CELSR1: variants seen among roughly 807,000 people sequenced by gnomAD.
CELSR1 encodes the protein adhesion G protein-coupled receptor C1.
A neutral mutation model predicts 249.1 loss-of-function variants in CELSR1; 110 were observed. That is an observed-to-expected ratio of 0.44 (90% CI 0.38 to 0.52). CELSR1 has a LOEUF of 0.52. CELSR1 is among the 20% of genes least tolerant of loss of function. The probability of loss-of-function intolerance (pLI) is 0.00; values close to 1 mark genes in which losing one functional copy is unlikely to be tolerated. For missense variants in CELSR1, 4,109 were observed against 4,296.4 expected (o/e 0.96, Z 1.22); for synonymous variants, 2,113 against 1,900.0 (o/e 1.11, Z -2.92).
intron 29 of CELSR1, among the ~76,000 whole-genome samples, 198 bp downstream of exon 29, chr22:46,366,795 G>A (rs993575725): frequency 3.3e-5 from 5 of 152,174 alleles, no homozygotes; most frequent in Admixed American, 6.5e-5. Context: ...GTTAGGATGC[G>A]ACCCAGGCCC....
chr22:46,482,261 A>G (rs558343696), intron 1 of CELSR1, among the ~76,000 whole-genome samples: 2 of 152,318 alleles, frequency 1.3e-5, no homozygotes, highest in East Asian at 1.9e-4. Flanking sequence ...GGGTGGCCAC[A>G]GGATCCTTAA....
At chr22:46,503,781 G>A (rs1222580354) in intron 1 of CELSR1, among the ~76,000 whole-genome samples, 1 of 152,208 alleles carries the variant, frequency 6.6e-6, no homozygotes, top group Admixed American at 6.5e-5. Flanking sequence ...GGTAATCCCA[G>A]CACTTTGGGA....
Position 46,362,776 on chromosome 22 carries a change from C to G in CELSR1, c.*447G>C. The G allele has an allele frequency of 4.5e-6, 1 of 221,088 alleles. No homozygotes were observed. Among genetic ancestry groups the G allele is most frequent in the South Asian group, 1.4e-4 (1 of 7,256 alleles). The allele number at this position is 221,088 out of a possible 1,614,324, so 13.7% of individuals were successfully genotyped here. Reference sequence around the variant, plus strand: ...AGGGGTGCCTTTGCAAAGGACTGCCCGGGCTGCCAGCCACGGGTCCGCACT... The same window carrying G: ...AGGGGTGCCTTTGCAAAGGACTGCCGGGGCTGCCAGCCACGGGTCCGCACT... On this transcript the variant is annotated 3_prime_UTR_variant, in exon 35 of 35. Coordinates refer to ENST00000674500, the MANE Select transcript of CELSR1 (RefSeq NM_001378328.1).
In CELSR1 at chr22:46,407,975, T is replaced by C. The variant is rs1270494516; in HGVS notation, c.5226+1021A>G. Among the ~76,000 whole-genome samples the C allele has an allele frequency of 2.0e-5, 3 of 152,182 alleles. No homozygotes were observed. Among genetic ancestry groups the C allele is most frequent in the African/African-American group, 7.2e-5 (3 of 41,448 alleles). The stretch of plus-strand genomic sequence containing the variant: ...GCAAGCCGAGGGCCGGGCACCCTCC[T>C]GGGGAGGGTCCCCATGGCTGCCTCA... On this transcript the variant is annotated intron_variant, in intron 9 of 34. Transcript: ENST00000674500. This position sits in a 1 kb window ranked among gnomAD's most constrained non-coding sequence, Gnocchi z 4.8.
chr22:46,477,752 C>T (rs1014773475), intron 1 of CELSR1, among the ~76,000 whole-genome samples: 4 of 152,078 alleles, frequency 2.6e-5, no homozygotes, highest in African/African-American at 7.2e-5. Context: ...ATGATCCACC[C>T]GCCTCAGCCT....
chr22:46,446,103 G>T lies in CELSR1; in HGVS notation c.4184-6692C>A, dbSNP rs943788600. ...AAAGACCCCAGCCTAAGGGGTCCCA[G>T]GGCCCAGCCCCCAGCCACACACCCA... On this transcript the variant is annotated intron_variant, in intron 2 of 34. Transcript: ENST00000674500. The surrounding 1 kb of genome is among the most constrained non-coding windows in gnomAD (Gnocchi z 5.5). Among the ~76,000 whole-genome samples, 2 of 152,094 alleles carry T rather than the reference G, an allele frequency of 1.3e-5. No individual in the cohort carries two copies. The highest frequency in any genetic ancestry group is 4.8e-5 in the African/African-American group (2 of 41,412).
intron 22 of CELSR1, 52 bp from the exon 23 acceptor site, chr22:46,378,769 G>T (rs902691006): frequency 1.3e-6 from 2 of 1,581,840 alleles, no homozygotes; most frequent in Admixed American, 1.7e-5. Context: ...CTCTGCCCAT[G>T]AGTCTGTAAA....
rs1232989057 is a variant in CELSR1, at chr22:46,391,128, G to A, written c.6250+58C>T. 1.4e-5 allele frequency: 19 copies of A among 1,394,316 alleles called. No homozygotes were observed. The East Asian group carries it at 4.4e-4, about 32-fold the overall frequency. 86.4% of individuals were successfully genotyped at this position (1,394,316 alleles called of 1,614,324 possible). On this transcript the variant is annotated intron_variant, in intron 16 of 34. Coordinates refer to ENST00000674500, the MANE Select transcript of CELSR1 (RefSeq NM_001378328.1). This position sits in a 1 kb window ranked among gnomAD's most constrained non-coding sequence, Gnocchi z 4.3. ...TTCCATGAGTCCCCACATCTCGACT[G>A]GCTCCTCCCACAAGGACGCCTGCCT...
At chr22:46,485,986 G>A (rs1031850103) in intron 1 of CELSR1, among the ~76,000 whole-genome samples, 2 of 143,828 alleles carry the variant, frequency 1.4e-5, no homozygotes, top group Non-Finnish European at 3.0e-5. Context: ...CGCCCAGGCC[G>A]GAGTGCAGTG....
chr22:46,415,508 G>A (rs1265310134), intron 5 of CELSR1, among the ~76,000 whole-genome samples: 1 of 152,030 alleles, frequency 6.6e-6, no homozygotes, highest in Admixed American at 6.6e-5. Context: ...TTAACTGATG[G>A]CATGAAAACA....
intron 14 of CELSR1, among the ~76,000 whole-genome samples, chr22:46,392,131 T>C (rs1042752820): frequency 6.6e-6 from 1 of 152,266 alleles, no homozygotes; most frequent in Admixed American, 6.5e-5. Flanking sequence ...GGCTTACGTA[T>C]GGGGATAGCC....
rs1453043796 is a variant in CELSR1 at position 46,424,558 on chromosome 22, C to T, written c.4611+8835G>A. Reference sequence around the variant, plus strand: ...AAACACTGACACAGTCCAGACAGAACGTTCCATCACTACAAGGACCCTGCC... The same window carrying T: ...AAACACTGACACAGTCCAGACAGAATGTTCCATCACTACAAGGACCCTGCC... On this transcript the variant is annotated intron_variant, in intron 5 of 34. Transcript: ENST00000674500. 5.9e-5 allele frequency among the ~76,000 whole-genome samples: 9 copies of T among 152,138 alleles called. 1 individual carries two copies. Among genetic ancestry groups the T allele is most frequent in the Admixed American group, 2.6e-4 (4 of 15,276 alleles).
chr22:46,512,131 C>G lies in CELSR1; in HGVS notation c.3544+21496G>C, dbSNP rs772506501. Among the ~76,000 whole-genome samples the G allele has an allele frequency of 3.9e-5, 6 of 152,200 alleles. No homozygotes were observed. Among genetic ancestry groups the G allele is most frequent in the Admixed American group, 2.0e-4 (3 of 15,278 alleles). Reference sequence around the variant, plus strand: ...TGCCAGGAGCTCTCAGTGTGGCAAACACAGCAGCAGCAAGAGTGACGGCGG... The same window carrying G: ...TGCCAGGAGCTCTCAGTGTGGCAAAGACAGCAGCAGCAAGAGTGACGGCGG... On this transcript the variant is annotated intron_variant, in intron 1 of 34. Coordinates refer to ENST00000674500, the MANE Select transcript of CELSR1 (RefSeq NM_001378328.1). This position sits in a 1 kb window ranked among gnomAD's most constrained non-coding sequence, Gnocchi z 5.2.
chr22:46,364,555 G>T lies in CELSR1; in HGVS notation c.8736C>A (p.Gly2912=), dbSNP rs141928741. The T allele has an allele frequency of 6.0e-5, 97 of 1,611,936 alleles. No individual in the cohort carries two copies. In the South Asian group the frequency reaches 9.2e-4, roughly 15 times the overall value. ...GCTGGCTGCTAGCAAGCCTGGCTGC[G>T]CCCCCGCTCTCCTGGTCCGGGGGGT... The part of the protein sequence containing the change: ...GEYPPDQESG[G]AARLASSQPP... Residue 2912 remains glycine (G), a synonymous_variant, in exon 33 of 35, where the codon GGC becomes GGA. Transcript: ENST00000674500.
rs550349488 is a variant in CELSR1 at position 46,440,435 on chromosome 22, G to A, written c.4184-1024C>T. Among the ~76,000 whole-genome samples the A allele has an allele frequency of 2.4e-3, 369 of 152,330 alleles. 3 individuals carry two copies. Among genetic ancestry groups the A allele is most frequent in the African/African-American group, 8.5e-3 (352 of 41,572 alleles). On this transcript the variant is annotated intron_variant, in intron 2 of 34. Transcript: ENST00000674500. This position sits in a 1 kb window ranked among gnomAD's most constrained non-coding sequence, Gnocchi z 4.7. ...AGGATGGTCTCCATCTCCTAACCTC[G>A]TGATCCGCCTGCCTTGGCCTCCCAA...
Position 46,394,125 on chromosome 22 carries a change from TG to T in CELSR1, c.5964+16del. 6.2e-7 allele frequency: 1 copy of T among 1,611,534 alleles called. No homozygotes were observed. The highest frequency in any genetic ancestry group is 1.1e-5 in the South Asian group (1 of 90,818). On this transcript the variant is annotated intron_variant, in intron 14 of 34. Coordinates refer to ENST00000674500, the MANE Select transcript of CELSR1 (RefSeq NM_001378328.1). ...GAGCAAACACAGCATGCAGGGATCA[TG>T]GGGGCGGGGCCTCACCTTGCATTGG...
In CELSR1 at chr22:46,412,742, C is replaced by T. The variant is rs372835264; in HGVS notation, c.4612-983G>A. ...GAGGAAAAGCAGCACCCGCCCTACA[C>T]AATCCATGCTGGCCACGGAACTTAA... On this transcript the variant is annotated intron_variant, in intron 5 of 34. Transcript: ENST00000674500. This position sits in a 1 kb window ranked among gnomAD's most constrained non-coding sequence, Gnocchi z 4.5. Among the ~76,000 whole-genome samples the T allele has an allele frequency of 2.7e-4, 41 of 152,358 alleles. No individual in the cohort carries two copies. In the South Asian group the frequency reaches 8.5e-3, roughly 32 times the overall value.
intron 1 of CELSR1, among the ~76,000 whole-genome samples, chr22:46,510,923 T>C (rs988186503): frequency 1.3e-5 from 2 of 152,200 alleles, no homozygotes; most frequent in Non-Finnish European, 2.9e-5. Context: ...GAGACCAGCC[T>C]GGCCAACATG....
chr22:46,536,678 G>A lies in CELSR1; in HGVS notation c.493C>T (p.Arg165Cys). The A allele has an allele frequency of 8.6e-7, 1 of 1,168,712 alleles. No homozygotes were observed. Among genetic ancestry groups the A allele is most frequent in the Non-Finnish European group, 1.1e-6 (1 of 949,060 alleles). 72.4% of individuals were successfully genotyped at this position (1,168,712 alleles called of 1,614,324 possible). A position where few individuals can be genotyped will look rare whatever the true frequency, so the allele number is the denominator to read the frequency against. ...AGGCAGATGGGACGGCCGGGACAGC[G>A]GGGCCTGGGGCGCGGCGGGCAGCGG... ...ACRCPPRPRP[R>C]CPGRPICLPP... Residue 165 changes from arginine (R) to cysteine (C), a missense_variant, in exon 1 of 35, where the codon CGC becomes TGC. Transcript: ENST00000674500.
Sources: allele counts gnomAD v4.1 joint callset (sites outside exome capture counted in the v4.1 genomes callset), GRCh38; gene constraint gnomAD v4.1.1; non-coding constraint Gnocchi (gnomAD v3.1); transcripts MANE v1.5; gene names NCBI Gene and HGNC (gene_info 2026-07-23, HGNC 2026-07-21).